C1orf141: variants seen among roughly 807,000 people sequenced by gnomAD.
The protein encoded by C1orf141 is chromosome 1 open reading frame 141.
In C1orf141, 19 loss-of-function variants were observed where a neutral mutation model predicts 23.2. The observed-to-expected ratio is 0.82, with a 90% CI of 0.57 to 1.20. C1orf141 has a LOEUF of 1.20. C1orf141 is among the 50% of genes most tolerant of loss of function. The pLI is 0.00. For missense variants in C1orf141, 469 were observed against 455.1 expected (o/e 1.03, Z -0.28); for synonymous variants, 153 against 154.6 (o/e 0.99, Z 0.08).
At chr1:67,096,353 C>CAT in intron 5 of C1orf141, 32 bp from the exon 6 acceptor site, 2 of 1,064,578 alleles carry the variant, frequency 1.9e-6, no homozygotes. Context: ...ATAAAAGACA[C>CAT]ATAGATATTC....
intron 5 of C1orf141, among the ~76,000 whole-genome samples, chr1:67,112,658 A>G (rs1265579176): frequency 6.6e-6 from 1 of 152,236 alleles, no homozygotes; most frequent in East Asian, 1.9e-4. Context: ...CCGTGACCAC[A>G]CTGCTGCATT....
chr1:67,124,511 G>T (rs933257174), intron 4 of C1orf141, among the ~76,000 whole-genome samples: 1 of 152,028 alleles, frequency 6.6e-6, no homozygotes, highest in African/African-American at 2.4e-5. Context: ...TAGAGACAGG[G>T]TTTCACCATG....
chr1:67,095,314 A>G lies in C1orf141; in HGVS notation c.524T>C (p.Leu175Ser), dbSNP rs1645650061. The change falls in exon 7 of 8, where the codon TTG (leucine) becomes TCG (serine). Residue 175 changes from leucine to serine, a missense_variant. By Grantham distance (145) the Leu-to-Ser change is moderately radical (BLOSUM62 -2). This residue lies in a region of C1orf141 where 370 missense variants were observed against 348.1 expected (regional missense o/e 1.06). Coordinates refer to ENST00000684719, the MANE Select transcript of C1orf141 (RefSeq NM_001276351.2). ...RSVRKKSLLP[L>S]CFEDELKNPH... ...ATTTTTCAATTCATCCTCAAAGCAC[A>G]ACGGGAGCAAGCTTTTCTTTCTTAC... 2 of 1,606,952 alleles carry G rather than the reference A, an allele frequency of 1.2e-6. No homozygotes were observed. The highest frequency in any genetic ancestry group is 1.3e-5 in the African/African-American group (1 of 74,644).
At chr1:67,137,031 A>G (rs1043336935), upstream of C1orf141, among the ~76,000 whole-genome samples, 10 of 152,208 alleles carry the variant, frequency 6.6e-5, no homozygotes, top group African/African-American at 2.4e-4. Context: ...TAAAATATAA[A>G]CTGTATACTA....
At chr1:67,130,032 G>A (rs1460317466) in intron 2 of C1orf141, among the ~76,000 whole-genome samples, 4 of 152,174 alleles carry the variant, frequency 2.6e-5, no homozygotes, top group African/African-American at 9.7e-5. Flanking sequence ...TTAGCATAAT[G>A]TGAATGCTGA....
intron 5 of C1orf141, among the ~76,000 whole-genome samples, chr1:67,104,701 C>A (rs1313854170): frequency 6.6e-6 from 1 of 152,074 alleles, no homozygotes. Flanking sequence ...CTTTTCAGTT[C>A]TTTTTATAAG....
chr1:67,139,385 A>T (rs114430898), upstream of C1orf141, among the ~76,000 whole-genome samples: 489 of 152,290 alleles, frequency 3.2e-3, 5 homozygotes, highest in African/African-American at 0.012. Context: ...TGAAACGTTC[A>T]TTATGTTTCT....
chr1:67,119,772 A>G (rs1570717738), intron 4 of C1orf141, among the ~76,000 whole-genome samples: 1 of 152,366 alleles, frequency 6.6e-6, no homozygotes, highest in East Asian at 1.9e-4. Flanking sequence ...CTTAGATTCT[A>G]CAGGACCAGA....
At chr1:67,140,873 A>T (rs571187710) in intron 1 of C1orf141, among the ~76,000 whole-genome samples, 1 of 152,278 alleles carries the variant, frequency 6.6e-6, no homozygotes, top group South Asian at 2.1e-4. Flanking sequence ...CATTTTATAG[A>T]TTAAAAAATG....
intron 5 of C1orf141, among the ~76,000 whole-genome samples, chr1:67,114,210 G>T (rs949177243): frequency 6.6e-6 from 1 of 151,930 alleles, no homozygotes. Flanking sequence ...TTGCCACCTG[G>T]ATGTTTTAGG....
intron 4 of C1orf141, among the ~76,000 whole-genome samples, chr1:67,121,381 T>C (rs1425155156): frequency 1.3e-5 from 2 of 152,224 alleles, no homozygotes; most frequent in African/African-American, 4.8e-5. Context: ...CTTTCTTAAA[T>C]CTAGACAGAC....
intron 4 of C1orf141, among the ~76,000 whole-genome samples, chr1:67,117,488 T>A (rs1194835787): frequency 6.6e-6 from 1 of 152,228 alleles, no homozygotes; most frequent in Non-Finnish European, 1.5e-5. Flanking sequence ...TTTCTTATCA[T>A]CGTACTTTTT....
intron 4 of C1orf141, among the ~76,000 whole-genome samples, chr1:67,117,327 G>A (rs1343214451): frequency 6.6e-6 from 1 of 152,162 alleles, no homozygotes; most frequent in Non-Finnish European, 1.5e-5. Context: ...GGAGGCTGAG[G>A]CAGGAGAATT....
chr1:67,105,632 CAG>C (rs1417022934), intron 5 of C1orf141, among the ~76,000 whole-genome samples: 2 of 151,008 alleles, frequency 1.3e-5, no homozygotes, highest in Non-Finnish European at 2.9e-5. Context: ...AAAATACACA[CAG>C]ACACACACAC....
At chr1:67,110,884 G>T (rs1192859036) in intron 5 of C1orf141, among the ~76,000 whole-genome samples, 1 of 148,194 alleles carries the variant, frequency 6.7e-6, no homozygotes, top group Non-Finnish European at 1.5e-5. Context: ...ATTAATTATG[G>T]CCCTAAGTCT....
At position 67,131,485 on chromosome 1, in the gene C1orf141, G is replaced by C. The variant is rs558384869; in HGVS notation, c.-103-258C>G. ...TTAAACAGGACACTGATCAGGACCA[G>C]TTCCAGCCCACAAACCTTGGCTTGC... On this transcript the variant is annotated intron_variant, in intron 1 of 7. Coordinates refer to ENST00000684719, the MANE Select transcript of C1orf141 (RefSeq NM_001276351.2). 3.9e-5 allele frequency among the ~76,000 whole-genome samples: 6 copies of C among 152,264 alleles called. No homozygotes were observed. The South Asian group carries it at 1.2e-3, about 32-fold the overall frequency.
chr1:67,097,077 C>T (rs1645696706), intron 5 of C1orf141, among the ~76,000 whole-genome samples: 1 of 151,880 alleles, frequency 6.6e-6, no homozygotes, highest in African/African-American at 2.4e-5. Flanking sequence ...AACAAGTAAA[C>T]AAGGGGCATG....
chr1:67,093,510 T>C lies in C1orf141; in HGVS notation c.698A>G (p.Glu233Gly). The C allele has an allele frequency of 6.2e-7, 1 of 1,607,750 alleles. No individual in the cohort carries two copies. ...TTTATGTGGGTAAATGTTTTCATTTTCCAAAGGATGAGAAGAAAATCTATT... is the reference window on the plus strand; with the variant it reads ...TTTATGTGGGTAAATGTTTTCATTTCCCAAAGGATGAGAAGAAAATCTATT... ...TKNRFSSHPLENENIYPHKRT... is the reference protein window; with the variant it reads ...TKNRFSSHPLGNENIYPHKRT... The change falls in exon 8 of 8, where the codon GAA becomes GGA. Residue 233 changes from glutamate (E) to glycine (G), a missense_variant. Coordinates refer to ENST00000684719, the MANE Select transcript of C1orf141 (RefSeq NM_001276351.2).
At chr1:67,106,399 C>T (rs1439831873) in intron 5 of C1orf141, among the ~76,000 whole-genome samples, 1 of 152,136 alleles carries the variant, frequency 6.6e-6, no homozygotes, top group Non-Finnish European at 1.5e-5. Flanking sequence ...GTTATCCCAG[C>T]CCTTTAAGAG....
Sources: allele counts gnomAD v4.1 joint callset (sites outside exome capture counted in the v4.1 genomes callset), GRCh38; gene constraint gnomAD v4.1.1; regional missense constraint gnomAD v4.1.1; transcripts MANE v1.5; gene names NCBI Gene and HGNC (gene_info 2026-07-23, HGNC 2026-07-21).